The following ELMO1 variants were observed in gnomAD, a reference collection of about 807,000 sequenced individuals.
ELMO1 encodes engulfment and cell motility protein 1.
A neutral mutation model predicts 98.9 loss-of-function variants in ELMO1; 26 were observed. The observed-to-expected ratio is 0.26, with a 90% CI of 0.19 to 0.36. The LOEUF is 0.36. Ranked by LOEUF, ELMO1 falls within the 10% of genes least tolerant of loss-of-function variation. The pLI is 1.00. For missense variants in ELMO1, 627 were observed against 935.2 expected (o/e 0.67, Z 4.30); for synonymous variants, 346 against 346.0 (o/e 1.00, Z 0.00).
At chr7:37,366,325 G>T (rs1016761111) in intron 1 of ELMO1, among the ~76,000 whole-genome samples, 1 of 151,956 alleles carries the variant, frequency 6.6e-6, no homozygotes, top group Non-Finnish European at 1.5e-5. Flanking sequence ...TCAGACTTTA[G>T]CATTAACTAT....
rs1162849478 is a variant in ELMO1, at chr7:37,213,416, C to A, written c.873G>T (p.Ala291=). The A allele has an allele frequency of 2.5e-6, 4 of 1,612,298 alleles. No homozygotes were observed. In the East Asian group the frequency reaches 8.9e-5, roughly 36 times the overall value. The change falls in exon 12 of 22, where the codon GCG becomes GCT. Residue 291 remains alanine, a synonymous_variant. Coordinates refer to ENST00000310758, the MANE Select transcript of ELMO1 (RefSeq NM_014800.11). Reference sequence around the variant, plus strand: ...GCACTTGTAGAACATACAGCTGGTGCGCCATCTCATTGTTGATGGCCCGCT... The same window carrying A: ...GCACTTGTAGAACATACAGCTGGTGAGCCATCTCATTGTTGATGGCCCGCT... ...RAQRAINNEM[A]HQLYVLQVLT... is the part of the protein sequence containing the mutation.
chr7:37,117,442 C>G (rs186624734), intron 14 of ELMO1, among the ~76,000 whole-genome samples: 2 of 152,270 alleles, frequency 1.3e-5, no homozygotes, highest in African/African-American at 4.8e-5. Context: ...GGAATCTGCC[C>G]TCCCTCCCTG....
intron 15 of ELMO1, among the ~76,000 whole-genome samples, chr7:37,058,399 G>A (rs1172578838): frequency 1.3e-5 from 2 of 151,996 alleles, no homozygotes; most frequent in Non-Finnish European, 2.9e-5. Flanking sequence ...AACCTAAAAG[G>A]CAAGAGGCCA....
chr7:36,964,898 G>A (rs975187470), intron 16 of ELMO1, among the ~76,000 whole-genome samples: 1 of 152,138 alleles, frequency 6.6e-6, no homozygotes, highest in Non-Finnish European at 1.5e-5. Context: ...AACTTAAAAT[G>A]AAAAATACTG....
At chr7:37,437,053 A>C (rs1805181118) in intron 1 of ELMO1, among the ~76,000 whole-genome samples, 1 of 152,182 alleles carries the variant, frequency 6.6e-6, no homozygotes. Flanking sequence ...AAACGATTGA[A>C]AAAGGGACAT....
At chr7:37,157,738 T>C (rs2129325946) in intron 13 of ELMO1, among the ~76,000 whole-genome samples, 1 of 152,162 alleles carries the variant, frequency 6.6e-6, no homozygotes, top group East Asian at 1.9e-4. Flanking sequence ...CCCAAGGTAA[T>C]TTATAGATTC....
At chr7:37,189,564 C>A (rs1435399832) in intron 13 of ELMO1, among the ~76,000 whole-genome samples, 2 of 152,156 alleles carry the variant, frequency 1.3e-5, no homozygotes, top group Non-Finnish European at 2.9e-5. Context: ...AGCCCACTCT[C>A]TTGCGGCTAC....
intron 13 of ELMO1, among the ~76,000 whole-genome samples, chr7:37,176,945 G>A (rs1164226711): frequency 1.3e-5 from 2 of 152,148 alleles, no homozygotes; most frequent in Non-Finnish European, 2.9e-5. Flanking sequence ...GCCTAAGTAC[G>A]GATATGGTGT....
chr7:37,227,334 C>A (rs1793924934), intron 8 of ELMO1, among the ~76,000 whole-genome samples: 1 of 152,124 alleles, frequency 6.6e-6, no homozygotes, highest in Non-Finnish European at 1.5e-5. Flanking sequence ...ATCCTTTTTA[C>A]AATATTTCCT....
At chr7:36,982,634 C>T (rs1251307991) in intron 16 of ELMO1, among the ~76,000 whole-genome samples, 3 of 152,194 alleles carry the variant, frequency 2.0e-5, no homozygotes, top group Non-Finnish European at 4.4e-5. Flanking sequence ...GCCAAGAACC[C>T]ATGTTTAAAA....
intron 18 of ELMO1, among the ~76,000 whole-genome samples, chr7:36,882,748 T>C (rs1804584300): frequency 6.6e-6 from 1 of 152,216 alleles, no homozygotes; most frequent in South Asian, 2.1e-4. Context: ...AAAACACACA[T>C]AAAGTATGGA....
At chr7:37,192,835 T>C (rs1451621884) in intron 13 of ELMO1, among the ~76,000 whole-genome samples, 1 of 147,118 alleles carries the variant, frequency 6.8e-6, no homozygotes, top group Non-Finnish European at 1.5e-5. Context: ...TGTATATATG[T>C]ATATATGACA....
chr7:37,366,753 G>A (rs1801917908), intron 1 of ELMO1, among the ~76,000 whole-genome samples: 1 of 152,130 alleles, frequency 6.6e-6, no homozygotes, highest in Non-Finnish European at 1.5e-5. Context: ...TTCAGCAATA[G>A]CATTCTCCGA....
At chr7:36,999,259 C>T (rs906439260) in intron 16 of ELMO1, among the ~76,000 whole-genome samples, 2 of 152,202 alleles carry the variant, frequency 1.3e-5, no homozygotes, top group African/African-American at 4.8e-5. Flanking sequence ...TCATTTCCCT[C>T]ATGGGAATGG....
chr7:37,044,147 C>T (rs573445642), intron 15 of ELMO1, among the ~76,000 whole-genome samples: 4 of 152,212 alleles, frequency 2.6e-5, no homozygotes, highest in South Asian at 2.1e-4. Flanking sequence ...GGCTATGCTC[C>T]GGCTAGGTGT....
At chr7:37,132,062 A>G (rs1031337517) in intron 14 of ELMO1, among the ~76,000 whole-genome samples, 1 of 152,060 alleles carries the variant, frequency 6.6e-6, no homozygotes, top group Non-Finnish European at 1.5e-5. Flanking sequence ...AATGCTCTCT[A>G]GGGGAATAAA....
chr7:37,227,800 A>G (rs1454490082), intron 8 of ELMO1, among the ~76,000 whole-genome samples: 1 of 152,164 alleles, frequency 6.6e-6, no homozygotes, highest in Non-Finnish European at 1.5e-5. Context: ...TGGTAAAAAT[A>G]ATTTGCTGTC....
intron 1 of ELMO1, among the ~76,000 whole-genome samples, chr7:37,368,645 T>C (rs1275908512): frequency 1.3e-5 from 2 of 152,210 alleles, no homozygotes; most frequent in Non-Finnish European, 1.5e-5. Context: ...TCACCACATC[T>C]GGACAGGCTT....
chr7:36,921,865 G>A (rs1785176232), intron 16 of ELMO1, among the ~76,000 whole-genome samples: 1 of 152,138 alleles, frequency 6.6e-6, no homozygotes. Context: ...GATTGGACAG[G>A]GCCCAGGTAA....
Sources: gnomAD v4.1 joint callset for allele counts (sites outside exome capture counted in the v4.1 genomes callset) on GRCh38, gnomAD v4.1.1 for gene constraint, MANE v1.5 for transcripts, NCBI Gene and HGNC (gene_info 2026-07-23, HGNC 2026-07-21) for gene names.